The following ARHGAP15 variants were observed in gnomAD, a reference collection of about 807,000 sequenced individuals.
ARHGAP15 encodes the protein Rho GTPase activating protein 15.
ARHGAP15 carries 51 observed loss-of-function variants against 63.7 expected under a neutral mutation model. That is an observed-to-expected ratio of 0.80 (90% CI 0.64 to 1.01). The LOEUF is 1.01. Among genes scored for constraint, ARHGAP15 ranks in the 50% least tolerant of loss-of-function variants. The pLI, the probability that ARHGAP15 is intolerant of heterozygous loss-of-function variation, is 0.00. For synonymous variants in ARHGAP15, 191 were observed against 193.8 expected, an observed-to-expected ratio of 0.99 and a Z score of 0.12; for missense variants, 560 against 564.6, an observed-to-expected ratio of 0.99 and a Z score of 0.08.
intron 6 of ARHGAP15, among the ~76,000 whole-genome samples, chr2:143,294,310 A>G (rs902944699): frequency 3.3e-5 from 5 of 152,120 alleles, no homozygotes; most frequent in African/African-American, 1.2e-4. Flanking sequence ...TTGACATTTA[A>G]TGGATTGATA....
intron 10 of ARHGAP15, among the ~76,000 whole-genome samples, chr2:143,537,364 C>A (rs191299831): frequency 8.5e-5 from 13 of 152,112 alleles, no homozygotes; most frequent in East Asian, 3.9e-4. Context: ...TTTTGCTGTG[C>A]GGAAGCTCTT....
At chr2:143,200,069 C>T (rs1692048769) in intron 2 of ARHGAP15, among the ~76,000 whole-genome samples, 1 of 152,132 alleles carries the variant, frequency 6.6e-6, no homozygotes, top group Non-Finnish European at 1.5e-5. Flanking sequence ...AAACAGCCAA[C>T]AGTCACTGGA....
intron 8 of ARHGAP15, among the ~76,000 whole-genome samples, chr2:143,472,317 C>T (rs1242286198): frequency 1.3e-5 from 2 of 151,756 alleles, no homozygotes; most frequent in Non-Finnish European, 2.9e-5. Context: ...TAGTAGTAAC[C>T]CACACCATGC....
At chr2:143,199,289 A>T (rs1034821585) in intron 2 of ARHGAP15, among the ~76,000 whole-genome samples, 9 of 152,108 alleles carry the variant, frequency 5.9e-5, no homozygotes, top group Non-Finnish European at 1.2e-4. Flanking sequence ...TATTTAAGGT[A>T]ATGCTAGCAG....
At chr2:143,328,940 AT>A (rs1484020677) in intron 6 of ARHGAP15, among the ~76,000 whole-genome samples, 1 of 152,242 alleles carries the variant, frequency 6.6e-6, no homozygotes, top group African/African-American at 2.4e-5. Flanking sequence ...AAAATATCTC[AT>A]GTATCCCATA....
chr2:143,157,039 G>A (rs1001331936), intron 2 of ARHGAP15, among the ~76,000 whole-genome samples: 4 of 151,916 alleles, frequency 2.6e-5, no homozygotes, highest in African/African-American at 9.7e-5. Context: ...AAGGCACTAT[G>A]CCGCAGTTGT....
chr2:143,420,636 C>T (rs1688878032), intron 6 of ARHGAP15, among the ~76,000 whole-genome samples: 2 of 152,130 alleles, frequency 1.3e-5, no homozygotes, highest in Non-Finnish European at 2.9e-5. Context: ...TTGGAGTCCG[C>T]TTAGAATCTT....
At chr2:143,606,792 A>G (rs1698052648) in intron 11 of ARHGAP15, 1 of 152,216 alleles carries the variant, frequency 6.6e-6, no homozygotes. Flanking sequence ...CACATGTATG[A>G]GAAGCCAAAG....
intron 13 of ARHGAP15, among the ~76,000 whole-genome samples, chr2:143,755,391 T>C (rs1375630323): frequency 6.6e-6 from 1 of 152,156 alleles, no homozygotes; most frequent in Non-Finnish European, 1.5e-5. Flanking sequence ...TACATGTAAA[T>C]GCATTACTGT....
intron 9 of ARHGAP15, among the ~76,000 whole-genome samples, chr2:143,517,012 C>G (rs188238570): frequency 2.0e-5 from 3 of 152,194 alleles, no homozygotes; most frequent in Admixed American, 1.3e-4. Flanking sequence ...GGCAGTGGCG[C>G]GATCTCAGCT....
intron 8 of ARHGAP15, among the ~76,000 whole-genome samples, chr2:143,468,783 A>C (rs1374690911): frequency 6.6e-6 from 1 of 152,070 alleles, no homozygotes; most frequent in Non-Finnish European, 1.5e-5. Context: ...CATACAAGTA[A>C]AATCAGTAGT....
chr2:143,674,607 A>C (rs990269917), intron 12 of ARHGAP15, among the ~76,000 whole-genome samples: 1 of 152,144 alleles, frequency 6.6e-6, no homozygotes, highest in Non-Finnish European at 1.5e-5. Flanking sequence ...TGTGGGGTCA[A>C]TTTCAGACTA....
At chr2:143,752,650 G>A (rs1194192577) in intron 13 of ARHGAP15, among the ~76,000 whole-genome samples, 1 of 152,196 alleles carries the variant, frequency 6.6e-6, no homozygotes, top group South Asian at 2.1e-4. Context: ...AACAGAGTTT[G>A]GCATCCAGGG....
Position 143,167,528 on chromosome 2 carries a change from A to G in ARHGAP15, c.165+11873A>G, listed in dbSNP as rs186605653. On this transcript the variant is annotated intron_variant, in intron 2 of 13. Coordinates refer to ENST00000295095, the MANE Select transcript of ARHGAP15 (RefSeq NM_018460.4). ...CATGGTTTCTCACTTTTTGACTGTTAACCTGAGCTTGCCACCACTCATGCT... is the reference window on the plus strand; with the variant it reads ...CATGGTTTCTCACTTTTTGACTGTTGACCTGAGCTTGCCACCACTCATGCT... Among the ~76,000 whole-genome samples the G allele has an allele frequency of 2.0e-5, 3 of 152,144 alleles. No individual in the cohort carries two copies. The East Asian group carries it at 5.8e-4, about 29-fold the overall frequency.
chr2:143,339,243 G>C (rs1049930599), intron 6 of ARHGAP15, among the ~76,000 whole-genome samples: 1 of 152,082 alleles, frequency 6.6e-6, no homozygotes, highest in African/African-American at 2.4e-5. Context: ...TGTGACCTTG[G>C]TGGCAGGCAC....
At chr2:143,184,211 G>A (rs1287803202) in intron 2 of ARHGAP15, among the ~76,000 whole-genome samples, 3 of 152,174 alleles carry the variant, frequency 2.0e-5, no homozygotes, top group Admixed American at 6.5e-5. Flanking sequence ...AAAGTCTGAA[G>A]GACAAGTGCC....
intron 6 of ARHGAP15, among the ~76,000 whole-genome samples, chr2:143,316,067 C>G (rs1683689983): frequency 6.6e-6 from 1 of 151,864 alleles, no homozygotes; most frequent in Non-Finnish European, 1.5e-5. Flanking sequence ...TCCTGGGAGA[C>G]AAGAGCGAAA....
chr2:143,496,298 T>A (rs562977949), intron 9 of ARHGAP15, among the ~76,000 whole-genome samples: 75 of 152,220 alleles, frequency 4.9e-4, no homozygotes, highest in African/African-American at 1.7e-3. Flanking sequence ...GTTAAGCCCA[T>A]GTATTTTAAA....
intron 6 of ARHGAP15, among the ~76,000 whole-genome samples, chr2:143,405,736 G>A (rs575112654): frequency 1.3e-5 from 2 of 151,840 alleles, no homozygotes; most frequent in African/African-American, 2.4e-5. Context: ...ACATACACTT[G>A]ACTACATACA....
Sources: gnomAD v4.1 joint callset for allele counts (sites outside exome capture counted in the v4.1 genomes callset) on GRCh38, gnomAD v4.1.1 for gene constraint, MANE v1.5 for transcripts, NCBI Gene and HGNC (gene_info 2026-07-23, HGNC 2026-07-21) for gene names.